CHD5: variants seen among roughly 807,000 people sequenced by gnomAD.
CHD5 encodes the protein ATP-dependent chromatin remodeler CHD5.
A neutral mutation model predicts 230.3 loss-of-function variants in CHD5; 69 were observed. The observed-to-expected ratio is 0.30, with a 90% confidence interval of 0.25 to 0.37. CHD5 has a LOEUF of 0.37. Among genes scored for constraint, CHD5 ranks in the 10% least tolerant of loss-of-function variants. The pLI, the probability that CHD5 is intolerant of heterozygous loss-of-function variation, is 1.00. For synonymous variants in CHD5, 1,064 were observed against 1,065.9 expected (o/e 1.00, Z 0.03); for missense variants, 1,827 against 2,622.8 (o/e 0.70, Z 6.63).
chr1:6,152,930 T>C (rs1667028624), intron 5 of CHD5, among the ~76,000 whole-genome samples: 1 of 152,168 alleles, frequency 6.6e-6, no homozygotes, highest in South Asian at 2.1e-4. Flanking sequence ...CCAAAGGATG[T>C]CTTGGAGCCA....
intron 1 of CHD5, among the ~76,000 whole-genome samples, chr1:6,168,722 C>T (rs1048488249): frequency 6.6e-6 from 1 of 152,032 alleles, no homozygotes; most frequent in East Asian, 1.9e-4. Context: ...GGAGGTGGCT[C>T]GAGAATGCTG....
intron 9 of CHD5, among the ~76,000 whole-genome samples, chr1:6,147,543 A>G (rs1666930237): frequency 6.6e-6 from 1 of 152,200 alleles, no homozygotes; most frequent in African/African-American, 2.4e-5. Flanking sequence ...GGGCCCTGAG[A>G]TGGGTGGGAG....
At position 6,134,321 on chromosome 1, in the gene CHD5, A is replaced by C; in HGVS notation, c.3013-62T>G. On this transcript the variant is annotated intron_variant, in intron 19 of 41. Coordinates refer to ENST00000262450, the MANE Select transcript of CHD5 (RefSeq NM_015557.3). The surrounding 1 kb of genome is among the most constrained non-coding windows in gnomAD (Gnocchi z 6.3). ...CCCCTCTCCTCTCTGACTCTGCACC[A>C]AAGGGGCCGCAGGGAACAGACAAGT... 1 of 1,583,644 alleles carries C rather than the reference A, an allele frequency of 6.3e-7. No individual in the cohort carries two copies. The highest frequency in any genetic ancestry group is 8.6e-7 in the Non-Finnish European group (1 of 1,164,684).
chr1:6,106,427 T>C lies in CHD5; in HGVS notation c.5825A>G (p.Tyr1942Cys), dbSNP rs1666167969. 6.3e-7 allele frequency: 1 copy of C among 1,584,444 alleles called. No homozygotes were observed. The highest frequency in any genetic ancestry group is 8.6e-7 in the Non-Finnish European group (1 of 1,165,846). The part of the protein sequence containing the change: ...RGPGPGGIVN[Y>C]NQMPLGPYVT... ...ATAGGGCCCCAGGGGCATCTGGTTG[T>C]AGTTGACAATCCCTCCCGGTCCAGG... The change falls in exon 40 of 42, where the codon TAC becomes TGC. Residue 1942 changes from tyrosine (Y) to cysteine (C), a missense_variant. Around this residue, in one of 14 missense-constraint regions of CHD5, gnomAD observed 208 missense variants for 302.0 expected, o/e 0.69. Coordinates refer to ENST00000262450, the MANE Select transcript of CHD5 (RefSeq NM_015557.3).
chr1:6,159,096 G>T (rs188475151), intron 3 of CHD5, among the ~76,000 whole-genome samples: 1 of 151,608 alleles, frequency 6.6e-6, no homozygotes, highest in Non-Finnish European at 1.5e-5. Flanking sequence ...TTAGCCAGGC[G>T]TGGTGGCACG....
At chr1:6,117,140 C>A (rs1666390451) in intron 33 of CHD5, among the ~76,000 whole-genome samples, 1 of 151,392 alleles carries the variant, frequency 6.6e-6, no homozygotes, top group Non-Finnish European at 1.5e-5. Context: ...CAAGAGATGG[C>A]AGGAAAAGAG....
Position 6,146,139 on chromosome 1 carries a change from C to T in CHD5, c.1802+73G>A. Reference sequence around the variant, plus strand: ...GGGCCCTGGCACCCTGCGCTGCACCCATTTTACAGGGCAAAGAAGCTGACG... The same window carrying T: ...GGGCCCTGGCACCCTGCGCTGCACCTATTTTACAGGGCAAAGAAGCTGACG... On this transcript the variant is annotated intron_variant, in intron 11 of 41. Transcript: ENST00000262450. The surrounding 1 kb of genome is among the most constrained non-coding windows in gnomAD (Gnocchi z 5.1). 6.8e-7 allele frequency: 1 copy of T among 1,469,736 alleles called. No homozygotes were observed. The highest frequency in any genetic ancestry group is 9.4e-7 in the Non-Finnish European group (1 of 1,064,036). 91.0% of individuals were successfully genotyped at this position (1,469,736 alleles called of 1,614,324 possible).
At chr1:6,173,024 T>G (rs1338842262) in intron 1 of CHD5, among the ~76,000 whole-genome samples, 1 of 151,684 alleles carries the variant, frequency 6.6e-6, no homozygotes, top group Non-Finnish European at 1.5e-5. Context: ...ATCACCAGGT[T>G]GCAAAGGCCG....
chr1:6,132,077 GC>G (rs141579729), intron 20 of CHD5, among the ~76,000 whole-genome samples: 5,849 of 152,170 alleles, frequency 0.038, 182 homozygotes, highest in Non-Finnish European at 0.058. Flanking sequence ...CTCCTTCACA[GC>G]CCCCAGCCAT....
chr1:6,159,329 C>A lies in CHD5; in HGVS notation c.387+7G>T. On this transcript the variant is annotated splice_region_variant and intron_variant, in intron 3 of 41. Transcript: ENST00000262450. Reference sequence around the variant, plus strand: ...CTCTGTCCCCCCAGCCAGGCCTCCACAGTTACCTTTAAGCATCCATCATCA... The same window carrying A: ...CTCTGTCCCCCCAGCCAGGCCTCCAAAGTTACCTTTAAGCATCCATCATCA... The A allele has an allele frequency of 1.9e-6, 3 of 1,551,580 alleles. No homozygotes were observed. In the South Asian group the frequency reaches 3.6e-5, roughly 18 times the overall value.
chr1:6,114,124 G>A (rs576413816), intron 33 of CHD5, among the ~76,000 whole-genome samples: 28 of 152,216 alleles, frequency 1.8e-4, no homozygotes, highest in Non-Finnish European at 3.1e-4. Flanking sequence ...GTGGTGGCAC[G>A]TGCCTGTAAT....
chr1:6,141,077 A>C (rs1415151273), intron 15 of CHD5, among the ~76,000 whole-genome samples: 2 of 151,538 alleles, frequency 1.3e-5, no homozygotes, highest in Non-Finnish European at 2.9e-5. Context: ...TGAACTTAGG[A>C]GTTCGAGACC....
In CHD5 at chr1:6,151,241, CG is replaced by C. The variant is rs1170502355; in HGVS notation, c.871-87del. 6 of 1,433,200 alleles carry C rather than the reference CG, an allele frequency of 4.2e-6. No homozygotes were observed. In the East Asian group the frequency reaches 1.0e-4, roughly 24 times the overall value. The allele number at this position is 1,433,200 out of a possible 1,614,324, so 88.8% of individuals were successfully genotyped here. ...AGGCAGTGTGGGGTGGGACAAAGCA[CG>C]GAAGAGGCTCTGGAGACACAGTGCT... On this transcript the variant is annotated intron_variant, in intron 6 of 41. Coordinates refer to ENST00000262450, the MANE Select transcript of CHD5 (RefSeq NM_015557.3).
In CHD5 at chr1:6,134,387, G is replaced by A. The variant is rs1666705506; in HGVS notation, c.3013-128C>T. 10 of 1,195,276 alleles carry A rather than the reference G, an allele frequency of 8.4e-6. No individual in the cohort carries two copies. In the East Asian group the frequency reaches 1.4e-4, roughly 17 times the overall value. 74.0% of individuals were successfully genotyped at this position (1,195,276 alleles called of 1,614,324 possible). ...GATGGCCTGTCTGCCCACTGAACATGAGACCCACACCCGAGCCAGGCCAGG... is the reference window on the plus strand; with the variant it reads ...GATGGCCTGTCTGCCCACTGAACATAAGACCCACACCCGAGCCAGGCCAGG... On this transcript the variant is annotated intron_variant, in intron 19 of 41. Coordinates refer to ENST00000262450, the MANE Select transcript of CHD5 (RefSeq NM_015557.3). This position sits in a 1 kb window ranked among gnomAD's most constrained non-coding sequence, Gnocchi z 6.3.
rs769675841 is a variant in CHD5 at position 6,110,536 on chromosome 1, G to C, written c.5250-10C>G. ...GCGGGCGTAGCCGTGCCTGGGTGGGGCACCATTAAGGGCAAACCTGGCCGT... is the reference window on the plus strand; with the variant it reads ...GCGGGCGTAGCCGTGCCTGGGTGGGCCACCATTAAGGGCAAACCTGGCCGT... On this transcript the variant is annotated splice_polypyrimidine_tract_variant and intron_variant, in intron 36 of 41. Coordinates refer to ENST00000262450, the MANE Select transcript of CHD5 (RefSeq NM_015557.3). 17 of 1,602,940 alleles carry C rather than the reference G, an allele frequency of 1.1e-5. No homozygotes were observed. In the African/African-American group the frequency reaches 2.0e-4, roughly 19 times the overall value.
chr1:6,146,396 G>A lies in CHD5; in HGVS notation c.1618C>T (p.Arg540Cys). The change falls in exon 11 of 42, where the codon CGC (arginine) becomes TGC (cysteine). Residue 540 changes from arginine (R) to cysteine (C), a missense_variant. This residue lies in a region of CHD5 where 657 missense variants were observed against 816.4 expected (regional missense o/e 0.80). Coordinates refer to ENST00000262450, the MANE Select transcript of CHD5 (RefSeq NM_015557.3). This position sits in a 1 kb window ranked among gnomAD's most constrained non-coding sequence, Gnocchi z 5.1. ...ATGTCGTTCTTTCTTTGGTAGTTGC[G>A]ATACATCACCGTGTGGTACAGCTCC... ...QLELYHTVMY[R>C]NYQRKNDMDE... The A allele has an allele frequency of 3.7e-6, 6 of 1,614,032 alleles. No individual in the cohort carries two copies. Among genetic ancestry groups the A allele is most frequent in the South Asian group, 1.1e-5 (1 of 91,078 alleles).
At chr1:6,122,591 G>T (rs1666488714) in intron 31 of CHD5, among the ~76,000 whole-genome samples, 1 of 152,156 alleles carries the variant, frequency 6.6e-6, no homozygotes, top group Non-Finnish European at 1.5e-5. Flanking sequence ...TTCTCAAAAG[G>T]GAAAACAGGG....
intron 37 of CHD5, 113 bp from the exon 38 acceptor site, chr1:6,110,103 C>T (rs888552965): frequency 1.0e-5 from 11 of 1,078,288 alleles, no homozygotes; most frequent in Non-Finnish European, 1.4e-5. Flanking sequence ...GGAAAGAGGA[C>T]GTACTGCCAT....
chr1:6,147,832 G>C (rs1571159583), intron 9 of CHD5, among the ~76,000 whole-genome samples: 1 of 152,142 alleles, frequency 6.6e-6, no homozygotes, highest in East Asian at 1.9e-4. Flanking sequence ...TGACAGCAAA[G>C]GCCGAGAGGC....
Sources: gnomAD v4.1 joint callset for allele counts (sites outside exome capture counted in the v4.1 genomes callset) on GRCh38, gnomAD v4.1.1 for gene constraint, gnomAD v4.1.1 regional missense constraint, Gnocchi (gnomAD v3.1) non-coding constraint, MANE v1.5 for transcripts, NCBI Gene and HGNC (gene_info 2026-07-23, HGNC 2026-07-21) for gene names.